Variants in KTN1 observed in about 807,000 individuals in gnomAD.
KTN1 encodes the protein kinectin 1, also known as kinectin.
A neutral mutation model predicts 222.5 loss-of-function variants in KTN1; 130 were observed. That is an observed-to-expected ratio of 0.58 (90% CI 0.51 to 0.68). KTN1 has a LOEUF of 0.68. KTN1 is among the 30% of genes least tolerant of loss of function. KTN1 has a pLI of 0.00. For missense variants in KTN1, 1,508 were observed against 1,500.4 expected, an observed-to-expected ratio of 1.01 and a Z score of -0.08; for synonymous variants, 512 against 496.3, an observed-to-expected ratio of 1.03 and a Z score of -0.42.
intron 40 of KTN1, chr14:55,674,431 A>T (rs2045720887): frequency 6.6e-6 from 1 of 151,848 alleles, no homozygotes; most frequent in Non-Finnish European, 1.5e-5. Context: ...AGGGATGTTC[A>T]TACACACAGA....
chr14:55,675,724 C>T, intron 40 of KTN1, 111 bp from the exon 41 acceptor site: 1 of 668,796 alleles, frequency 1.5e-6, no homozygotes, highest in Non-Finnish European at 2.6e-6. Flanking sequence ...GGCTAATCCA[C>T]TGTACATAAT....
At chr14:55,656,015 A>C in intron 28 of KTN1, 27 bp from the exon 29 acceptor site, 1 of 1,364,110 alleles carries the variant, frequency 7.3e-7, no homozygotes, top group South Asian at 1.3e-5. Flanking sequence ...TACTTTAGTT[A>C]ATGCAGATCT....
chr14:55,581,719 G>T (rs1037656342), intron 1 of KTN1, among the ~76,000 whole-genome samples: 1 of 152,128 alleles, frequency 6.6e-6, no homozygotes, highest in African/African-American at 2.4e-5. Context: ...AATGGCAACA[G>T]TGTCTCCAGT....
intron 1 of KTN1, among the ~76,000 whole-genome samples, chr14:55,605,996 G>A (rs1435067266): frequency 2.0e-5 from 3 of 152,128 alleles, no homozygotes; most frequent in Non-Finnish European, 4.4e-5. Context: ...TTAAAGAAAG[G>A]TAAACATGGT....
chr14:55,635,307 A>G (rs530779593), intron 9 of KTN1, among the ~76,000 whole-genome samples: 1 of 152,180 alleles, frequency 6.6e-6, no homozygotes, highest in Non-Finnish European at 1.5e-5. Flanking sequence ...TATCATATAT[A>G]TGGGGGTTAG....
chr14:55,663,905 A>T, intron 32 of KTN1, 50 bp from the exon 33 acceptor site: 1 of 1,443,198 alleles, frequency 6.9e-7, no homozygotes, highest in Non-Finnish European at 9.6e-7. Context: ...AAAAAGCAAA[A>T]ATCTTTCAAT....
chr14:55,652,930 AGTG>A lies in KTN1; in HGVS notation c.2687_2689del (p.Trp896del), dbSNP rs765101063. On this transcript the variant is annotated inframe_deletion, in exon 26 of 44. Transcript: ENST00000395314. ...GAGAAAGACCTAGCCAATACAGGGA[AGTG>A]GTTACAGGTGAGAAATTAAAAACAA... 6.2e-7 allele frequency: 1 copy of A among 1,610,086 alleles called. No homozygotes were observed. Among genetic ancestry groups the A allele is most frequent in the Admixed American group, 1.7e-5 (1 of 59,810 alleles).
intron 8 of KTN1, among the ~76,000 whole-genome samples, chr14:55,633,854 T>G (rs1201250856): frequency 1.3e-5 from 2 of 152,026 alleles, no homozygotes; most frequent in Non-Finnish European, 2.9e-5. Context: ...TAAGACACTT[T>G]CGGGCCGGGT....
intron 1 of KTN1, among the ~76,000 whole-genome samples, chr14:55,588,206 TAAAGA>T (rs2033418522): frequency 6.6e-6 from 1 of 152,146 alleles, no homozygotes; most frequent in Non-Finnish European, 1.5e-5. Context: ...ATAATAAAGC[TAAAGA>T]AAAGAAAATG....
intron 42 of KTN1, chr14:55,678,940 G>A (rs1002628233): frequency 6.4e-6 from 1 of 155,726 alleles, no homozygotes; most frequent in Admixed American, 6.3e-5. Context: ...CTGGTCCCTG[G>A]TGCCAAAACG....
chr14:55,630,570 T>C (rs1027612863), intron 7 of KTN1, among the ~76,000 whole-genome samples: 4 of 152,144 alleles, frequency 2.6e-5, no homozygotes, highest in Non-Finnish European at 5.9e-5. Flanking sequence ...GTGTTACCAG[T>C]ACAGATTGTC....
intron 1 of KTN1, among the ~76,000 whole-genome samples, chr14:55,581,058 C>G (rs1048044175): frequency 6.6e-6 from 1 of 152,250 alleles, no homozygotes; most frequent in African/African-American, 2.4e-5. Flanking sequence ...AGGGGTGTGT[C>G]CTAGCGATTC....
chr14:55,658,563 C>G lies in KTN1; in HGVS notation c.2910C>G (p.Asn970Lys), dbSNP rs2043756851. 1 of 1,595,620 alleles carries G rather than the reference C, an allele frequency of 6.3e-7. No homozygotes were observed. The highest frequency in any genetic ancestry group is 8.6e-7 in the Non-Finnish European group (1 of 1,165,006). The change falls in exon 30 of 44, where the codon AAC (asparagine) becomes AAG (lysine). Residue 970 changes from asparagine to lysine, a missense_variant. Coordinates refer to ENST00000395314, the MANE Select transcript of KTN1 (RefSeq NM_001079521.2). ...TQLLQDVQDE[N>K]KLFKSQIEQL... ...TTAATTAGGATGTACAAGATGAAAA[C>G]AAATTGTTTAAGTCCCAAATTGAGC... is the stretch of plus-strand genomic sequence containing the variant.
chr14:55,669,983 C>T (rs939083688), intron 34 of KTN1, among the ~76,000 whole-genome samples: 1 of 151,844 alleles, frequency 6.6e-6, no homozygotes, highest in Non-Finnish European at 1.5e-5. Flanking sequence ...GTATGTAACA[C>T]ACAGATACAC....
At chr14:55,644,217 T>A in intron 18 of KTN1, 2 of 487,608 alleles carry the variant, frequency 4.1e-6, no homozygotes, top group Non-Finnish European at 7.4e-6. Context: ...TGGTATAATC[T>A]TAATTTCTGT....
chr14:55,675,928 G>A lies in KTN1; in HGVS notation c.3855+10G>A, dbSNP rs1423131578. On this transcript the variant is annotated intron_variant, in intron 41 of 43. Coordinates refer to ENST00000395314, the MANE Select transcript of KTN1 (RefSeq NM_001079521.2). ...TGGTGATTTGCATAAGGTAGGCACT[G>A]TTCGTCCTAGAGATGTAGTATCATG... The A allele has an allele frequency of 1.9e-6, 3 of 1,589,442 alleles. No homozygotes were observed. The South Asian group carries it at 3.3e-5, about 18-fold the overall frequency.
At chr14:55,676,021 A>G (rs1283741805) in intron 41 of KTN1, 103 bp downstream of exon 41, 6 of 731,068 alleles carry the variant, frequency 8.2e-6, no homozygotes, top group Admixed American at 2.6e-5. Context: ...GTTTTGCATC[A>G]TAATATTAAC....
At position 55,629,417 on chromosome 14, in the gene KTN1, C is replaced by CAAAAAA. The variant is rs58348373; in HGVS notation, c.1081-522_1081-517dup. On this transcript the variant is annotated intron_variant, in intron 6 of 43. Coordinates refer to ENST00000395314, the MANE Select transcript of KTN1 (RefSeq NM_001079521.2). ...TGGGCGATGGAGTGAGACTCCGTCT[C>CAAAAAA]AAAAAAAAAAAAAAAAAAAAAAAGA... Among the ~76,000 whole-genome samples, 94 of 49,114 alleles carry CAAAAAA rather than the reference C, an allele frequency of 1.9e-3. 1 individual carries two copies. Among genetic ancestry groups the CAAAAAA allele is most frequent in the Non-Finnish European group, 2.8e-3 (67 of 23,704 alleles). The allele number at this position is 49,114 out of a possible 152,430, so 32.2% of individuals were successfully genotyped here. A position where few individuals can be genotyped will look rare whatever the true frequency, so the allele number is the denominator to read the frequency against.
chr14:55,658,395 A>G (rs1467890740), intron 29 of KTN1, 151 bp from the exon 30 acceptor site: 3 of 594,950 alleles, frequency 5.0e-6, no homozygotes, highest in South Asian at 2.2e-5. Context: ...TAATTTCATC[A>G]TATGTTTTAA....
Sources: allele counts gnomAD v4.1 joint callset (sites outside exome capture counted in the v4.1 genomes callset), GRCh38; gene constraint gnomAD v4.1.1; transcripts MANE v1.5; gene names NCBI Gene and HGNC (gene_info 2026-07-23, HGNC 2026-07-21).